TPPP: variants seen among roughly 807,000 people sequenced by gnomAD.
TPPP encodes tubulin polymerization promoting protein.
TPPP carries 6 observed loss-of-function variants against 15.5 expected under a neutral mutation model. The ratio of observed to expected loss-of-function variants is 0.39; its 90% confidence interval spans 0.21 to 0.77. The LOEUF (loss-of-function observed/expected upper bound fraction) is 0.77, where lower values mean the gene tolerates loss of function less well. TPPP is among the 30% of genes least tolerant of loss of function. TPPP has a pLI of 0.42. For synonymous variants in TPPP, 146 were observed against 133.9 expected (o/e 1.09, Z -0.63); for missense variants, 269 against 307.2 (o/e 0.88, Z 0.93).
At position 661,858 on chromosome 5, in the gene TPPP, AG is replaced by A. The variant is rs1407144311; in HGVS notation, c.*3243del. 2 of 152,334 alleles carry A rather than the reference AG, an allele frequency of 1.3e-5. No homozygotes were observed. The highest frequency in any genetic ancestry group is 4.8e-5 in the African/African-American group (2 of 41,440). 9.4% of individuals were successfully genotyped at this position (152,334 alleles called of 1,614,324 possible). A position where few individuals can be genotyped will look rare whatever the true frequency, so the allele number is the denominator to read the frequency against. On this transcript the variant is annotated 3_prime_UTR_variant, in exon 4 of 4. Coordinates refer to ENST00000360578, the MANE Select transcript of TPPP (RefSeq NM_007030.3). Reference sequence around the variant, plus strand: ...GATTCGCTTTGGAGCTGAGTGGAGAAGGGTGCTCTCCTGGCTCCCGCATGTC... The same window carrying A: ...GATTCGCTTTGGAGCTGAGTGGAGAAGGTGCTCTCCTGGCTCCCGCATGTC...
At chr5:672,958 G>C (rs889011500) in intron 2 of TPPP, among the ~76,000 whole-genome samples, 1 of 152,294 alleles carries the variant, frequency 6.6e-6, no homozygotes, top group Admixed American at 6.5e-5. Flanking sequence ...CAGATACCCC[G>C]AGCTGGCGCC....
Position 661,739 on chromosome 5 carries a change from A to G in TPPP, c.*3363T>C, listed in dbSNP as rs13361733. 0.042 allele frequency: 6,392 copies of G among 152,496 alleles called. 442 individuals carry two copies. The highest frequency in any genetic ancestry group is 0.15 in the African/African-American group (6,044 of 41,564). 9.4% of individuals were successfully genotyped at this position (152,496 alleles called of 1,614,324 possible). On this transcript the variant is annotated 3_prime_UTR_variant, in exon 4 of 4. Coordinates refer to ENST00000360578, the MANE Select transcript of TPPP (RefSeq NM_007030.3). ...TTACGGATTCCACAGACAAGTTGTA[A>G]CTGACAGTGGTGACCACTATGTCCT...
intron 1 of TPPP, among the ~76,000 whole-genome samples, chr5:679,465 G>C (rs1450871568): frequency 1.6e-4 from 24 of 151,014 alleles, no homozygotes; most frequent in African/African-American, 5.7e-4. Flanking sequence ...GGCCAGGTCA[G>C]GTGTCGAGCT....
chr5:686,000 T>C (rs938311335), intron 1 of TPPP, among the ~76,000 whole-genome samples: 12 of 152,142 alleles, frequency 7.9e-5, no homozygotes, highest in African/African-American at 2.7e-4. Flanking sequence ...GGGATGGAGG[T>C]GCCAACAGGG....
intron 1 of TPPP, among the ~76,000 whole-genome samples, chr5:679,554 C>T (rs1740565350): frequency 6.6e-6 from 1 of 152,118 alleles, no homozygotes; most frequent in South Asian, 2.1e-4. Context: ...GTCTGTGTTT[C>T]CCCTGGGCCT....
In TPPP at chr5:679,272, C is replaced by A. The variant is rs375566613; in HGVS notation, c.-4-1208G>T. On this transcript the variant is annotated intron_variant, in intron 1 of 3. Transcript: ENST00000360578. ...AGAAAAAAATCCAGGGGCACTCCCT[C>A]CACTGAGGACCTTAAGGGCCTCAGG... Among the ~76,000 whole-genome samples, 376 of 152,232 alleles carry A rather than the reference C, an allele frequency of 2.5e-3. 1 individual carries two copies. Among genetic ancestry groups the A allele is most frequent in the African/African-American group, 7.8e-3 (322 of 41,528 alleles).
chr5:666,364 G>A (rs1234973381), intron 2 of TPPP, among the ~76,000 whole-genome samples: 1 of 152,252 alleles, frequency 6.6e-6, no homozygotes, highest in Non-Finnish European at 1.5e-5. Flanking sequence ...CAGGGTGTGT[G>A]CGGGTCTGCA....
intron 2 of TPPP, among the ~76,000 whole-genome samples, chr5:672,242 C>T (rs774625448): frequency 8.5e-5 from 13 of 152,170 alleles, no homozygotes; most frequent in Non-Finnish European, 1.6e-4. Flanking sequence ...CAGCCCTCCA[C>T]GCTCGGGGCA....
At chr5:683,700 G>A (rs1414616517) in intron 1 of TPPP, among the ~76,000 whole-genome samples, 1 of 152,278 alleles carries the variant, frequency 6.6e-6, no homozygotes, top group Admixed American at 6.5e-5. Flanking sequence ...GGCACGCTGT[G>A]TTGCAAGCTG....
rs1225074844 is a variant in TPPP, at chr5:679,392, C to T, written c.-4-1328G>A. On this transcript the variant is annotated intron_variant, in intron 1 of 3. Transcript: ENST00000360578. ...GGCAGGATCCTGGTGGGGGCTGGGC[C>T]GCGTGGGGGCAGGATCCTGGGGGTG... 7.6e-5 allele frequency among the ~76,000 whole-genome samples: 10 copies of T among 132,106 alleles called. No homozygotes were observed. In the South Asian group the frequency reaches 1.4e-3, roughly 19 times the overall value. The allele number at this position is 132,106 out of a possible 152,430, so 86.7% of individuals were successfully genotyped here. A position where few individuals can be genotyped will look rare whatever the true frequency, so the allele number is the denominator to read the frequency against.
At chr5:693,439 G>A (rs1417808421), upstream of TPPP, 2 of 141,388 alleles carry the variant, frequency 1.4e-5, no homozygotes, top group Non-Finnish European at 3.1e-5. Flanking sequence ...GGCCCCCAGC[G>A]TCCGGCGCCC....
chr5:685,802 G>A (rs1201899517), intron 1 of TPPP, among the ~76,000 whole-genome samples: 2 of 152,176 alleles, frequency 1.3e-5, no homozygotes, highest in Admixed American at 1.3e-4. Flanking sequence ...ATGAGAAGGC[G>A]GGGCAGTCTC....
At chr5:666,944 G>C (rs1450344054) in intron 2 of TPPP, 2 of 152,188 alleles carry the variant, frequency 1.3e-5, no homozygotes, top group African/African-American at 4.8e-5. Context: ...CTCTGCAAAA[G>C]GCACCTGCAT....
chr5:662,118 A>ACTT lies in TPPP; in HGVS notation c.*2981_*2983dup, dbSNP rs1739647956. On this transcript the variant is annotated 3_prime_UTR_variant, in exon 4 of 4. Transcript: ENST00000360578. The stretch of plus-strand genomic sequence containing the variant: ...TTTTCTCTCTCAGAGTGAAGGGACC[A>ACTT]CTTCTGTGAATGAGCTCACCTCCAG... 6.6e-6 allele frequency: 1 copy of ACTT among 152,420 alleles called. No individual in the cohort carries two copies. The highest frequency in any genetic ancestry group is 2.4e-5 in the African/African-American group (1 of 41,530). 9.4% of individuals were successfully genotyped at this position (152,420 alleles called of 1,614,324 possible).
At chr5:669,318 TG>T (rs113038413) in intron 2 of TPPP, among the ~76,000 whole-genome samples, 7,144 of 152,162 alleles carry the variant, frequency 0.047, 288 homozygotes, top group African/African-American at 0.11. Flanking sequence ...CTCTGTGGCG[TG>T]GGGGTCCGCG....
At chr5:673,974 C>T (rs1740313242) in intron 2 of TPPP, among the ~76,000 whole-genome samples, 1 of 152,222 alleles carries the variant, frequency 6.6e-6, no homozygotes, top group African/African-American at 2.4e-5. Context: ...TGTGCATGCA[C>T]ACATGCGCCA....
At chr5:671,545 C>T (rs1368805508) in intron 2 of TPPP, among the ~76,000 whole-genome samples, 2 of 152,228 alleles carry the variant, frequency 1.3e-5, no homozygotes, top group African/African-American at 2.4e-5. Flanking sequence ...CAAGGCCACG[C>T]CCACCACTGG....
chr5:671,173 C>A (rs116774199), intron 2 of TPPP, among the ~76,000 whole-genome samples: 1 of 152,044 alleles, frequency 6.6e-6, no homozygotes, highest in Non-Finnish European at 1.5e-5. Flanking sequence ...AGCGCACTGT[C>A]TCCCTCTGGG....
At chr5:699,443 CCT>C in the TPPP span, among the ~76,000 whole-genome samples, 1 of 152,048 alleles carries the variant, frequency 6.6e-6, no homozygotes, top group Admixed American at 6.6e-5. Flanking sequence ...TGGACAAATA[CCT>C]CTCACCATAT....
Sources: allele counts gnomAD v4.1 joint callset (sites outside exome capture counted in the v4.1 genomes callset), GRCh38; gene constraint gnomAD v4.1.1; transcripts MANE v1.5; gene names NCBI Gene and HGNC (gene_info 2026-07-23, HGNC 2026-07-21).